SMARCA2: variants seen among roughly 807,000 people sequenced by gnomAD.
SMARCA2 encodes SWI/SNF related BAF chromatin remodeling complex subunit ATPase 2, also known as SWI/SNF-related matrix-associated actin-dependent regulator of chromatin subfamily A member 2.
SMARCA2 carries 61 observed loss-of-function variants against 199.8 expected under a neutral mutation model. That is an observed-to-expected ratio of 0.31 (90% confidence interval 0.25 to 0.38). The LOEUF (loss-of-function observed/expected upper bound fraction) is 0.38, where lower values mean the gene tolerates loss of function less well. SMARCA2 is among the 10% of genes least tolerant of loss of function. SMARCA2 has a pLI of 1.00. For synonymous variants in SMARCA2, 935 were observed against 732.0 expected (o/e 1.28, Z -4.48); for missense variants, 1,344 against 2,012.2 (o/e 0.67, Z 6.35).
At chr9:2,052,058 T>C (rs772520547) in intron 5 of SMARCA2, among the ~76,000 whole-genome samples, 1 of 152,210 alleles carries the variant, frequency 6.6e-6, no homozygotes, top group Non-Finnish European at 1.5e-5. Context: ...TTGGGAGAAT[T>C]TGAACAATTT....
chr9:2,073,412 G>T, intron 11 of SMARCA2, 70 bp downstream of exon 11: 1 of 1,589,410 alleles, frequency 6.3e-7, no homozygotes, highest in South Asian at 1.1e-5. Flanking sequence ...GTACGATCTC[G>T]AAACTAAAAC....
At chr9:2,167,736 C>T (rs1420922880) in intron 28 of SMARCA2, among the ~76,000 whole-genome samples, 1 of 152,188 alleles carries the variant, frequency 6.6e-6, no homozygotes. Context: ...TGGAGAAAAT[C>T]ATTCATTCTT....
chr9:2,164,201 C>T (rs1056117880), intron 28 of SMARCA2, among the ~76,000 whole-genome samples: 1 of 152,194 alleles, frequency 6.6e-6, no homozygotes, highest in Non-Finnish European at 1.5e-5. Flanking sequence ...GCTCCATAGC[C>T]TTTGAGTTTA....
At chr9:2,063,245 T>G (rs1820681903) in intron 9 of SMARCA2, among the ~76,000 whole-genome samples, 1 of 152,214 alleles carries the variant, frequency 6.6e-6, no homozygotes, top group Non-Finnish European at 1.5e-5. Context: ...CTGTCTCTTT[T>G]GCGGGGCTTT....
chr9:2,174,968 G>A (rs918013886), intron 29 of SMARCA2, among the ~76,000 whole-genome samples: 23 of 148,764 alleles, frequency 1.5e-4, no homozygotes, highest in Admixed American at 3.4e-4. Context: ...TGGAGAGGCA[G>A]GAAAGGATCA....
At chr9:2,186,064 C>A in intron 31 of SMARCA2, 32 bp from the exon 32 acceptor site, 5 of 1,604,758 alleles carry the variant, frequency 3.1e-6, no homozygotes, top group Non-Finnish European at 4.3e-6. Flanking sequence ...ACTCAGCTTG[C>A]AGTTTTAACA....
chr9:2,104,832 C>T lies in SMARCA2; in HGVS notation c.3292+663C>T, dbSNP rs933799812. Among the ~76,000 whole-genome samples, 5 of 151,964 alleles carry T rather than the reference C, an allele frequency of 3.3e-5. No homozygotes were observed. Among genetic ancestry groups the T allele is most frequent in the East Asian group, 1.9e-4 (1 of 5,190 alleles). ...ATTATTTTACGATTTGGATATCAGCCATAATATATTAGAGGTTGAAAGTAT... is the reference window on the plus strand; with the variant it reads ...ATTATTTTACGATTTGGATATCAGCTATAATATATTAGAGGTTGAAAGTAT... On this transcript the variant is annotated intron_variant, in intron 23 of 33. Coordinates refer to ENST00000349721, the MANE Select transcript of SMARCA2 (RefSeq NM_003070.5). This position sits in a 1 kb window ranked among gnomAD's most constrained non-coding sequence, Gnocchi z 4.0.
chr9:2,021,873 G>C (rs1818615249), intron 1 of SMARCA2: 1 of 151,570 alleles, frequency 6.6e-6, no homozygotes, highest in African/African-American at 2.4e-5. Flanking sequence ...GGTAGATAAG[G>C]TCTTTGAGAT....
chr9:2,092,451 A>T lies in SMARCA2; in HGVS notation c.2883+3838A>T, dbSNP rs531800410. ...AGAACCTGAGACTTTTCATAAATTGAATCATATTGTTTACAAATCTCAGTT... is the reference window on the plus strand; with the variant it reads ...AGAACCTGAGACTTTTCATAAATTGTATCATATTGTTTACAAATCTCAGTT... On this transcript the variant is annotated intron_variant, in intron 19 of 33. Transcript: ENST00000349721. 2.4e-4 allele frequency among the ~76,000 whole-genome samples: 36 copies of T among 152,338 alleles called. 1 individual carries two copies. Among genetic ancestry groups the T allele is most frequent in the African/African-American group, 8.7e-4 (36 of 41,576 alleles).
At chr9:2,083,591 T>C (rs893491916) in intron 16 of SMARCA2, among the ~76,000 whole-genome samples, 178 bp downstream of exon 16, 2 of 152,274 alleles carry the variant, frequency 1.3e-5, no homozygotes, top group Non-Finnish European at 2.9e-5. Context: ...CCATAATTAC[T>C]TTCAGATAGT....
intron 23 of SMARCA2, among the ~76,000 whole-genome samples, chr9:2,109,343 C>A (rs1459605669): frequency 1.3e-5 from 2 of 149,534 alleles, no homozygotes; most frequent in African/African-American, 4.9e-5. Context: ...TTTTTTTTTT[C>A]TCCCCTTCCA....
intron 9 of SMARCA2, among the ~76,000 whole-genome samples, chr9:2,069,429 G>A (rs536492749): frequency 1.2e-3 from 189 of 151,772 alleles, no homozygotes; most frequent in Middle Eastern, 3.4e-3. Flanking sequence ...CGTGGTGGCG[G>A]TCGCCTGTAG....
chr9:2,185,246 T>C (rs561229834), intron 31 of SMARCA2, among the ~76,000 whole-genome samples: 1 of 152,252 alleles, frequency 6.6e-6, no homozygotes, highest in Non-Finnish European at 1.5e-5. Flanking sequence ...TTGCCCATTT[T>C]AGATACTTCG....
In SMARCA2 at chr9:2,079,504, T is replaced by TG. The variant is rs530327684; in HGVS notation, c.2184+1729dup. On this transcript the variant is annotated intron_variant, in intron 14 of 33. Transcript: ENST00000349721. ...AGCACTAGCAGTTTTTACCTACCAA[T>TG]GCTTTTGCATCATCAGTGCAGACGT... Among the ~76,000 whole-genome samples, 10 of 152,340 alleles carry TG rather than the reference T, an allele frequency of 6.6e-5. No individual in the cohort carries two copies. In the East Asian group the frequency reaches 1.9e-3, roughly 29 times the overall value.
intron 27 of SMARCA2, among the ~76,000 whole-genome samples, chr9:2,127,678 G>T (rs57847257): frequency 0.088 from 13,405 of 152,258 alleles, 1,167 homozygotes; most frequent in East Asian, 0.41. Context: ...AGCTGCAAAG[G>T]AGATGGAAAT....
chr9:2,155,932 C>T lies in SMARCA2; in HGVS notation c.3982-5754C>T, dbSNP rs575258623. Reference sequence around the variant, plus strand: ...TCCCAGTTGCCTGACGAATGAAATACGAAACAGAGTCTGTTGAGTTAATGT... The same window carrying T: ...TCCCAGTTGCCTGACGAATGAAATATGAAACAGAGTCTGTTGAGTTAATGT... On this transcript the variant is annotated intron_variant, in intron 27 of 33. Coordinates refer to ENST00000349721, the MANE Select transcript of SMARCA2 (RefSeq NM_003070.5). Among the ~76,000 whole-genome samples the T allele has an allele frequency of 4.6e-5, 7 of 151,768 alleles. No homozygotes were observed. In the East Asian group the frequency reaches 1.2e-3, roughly 25 times the overall value.
chr9:2,035,443 T>C (rs1819288009), intron 3 of SMARCA2, among the ~76,000 whole-genome samples: 1 of 152,222 alleles, frequency 6.6e-6, no homozygotes, highest in Non-Finnish European at 1.5e-5. Context: ...TTGCAGTAGC[T>C]CTAATAGTGG....
chr9:2,184,937 A>T (rs959858803), intron 31 of SMARCA2, among the ~76,000 whole-genome samples: 1 of 151,996 alleles, frequency 6.6e-6, no homozygotes, highest in Non-Finnish European at 1.5e-5. Context: ...CAATTTGCCC[A>T]GTCACTTTTT....
intron 4 of SMARCA2, chr9:2,041,081 G>A (rs1586637637): frequency 3.1e-6 from 1 of 322,192 alleles, no homozygotes; most frequent in Non-Finnish European, 5.6e-6. Flanking sequence ...TATTGGTACT[G>A]TTCCTGGGTT....
Sources: allele counts gnomAD v4.1 joint callset (sites outside exome capture counted in the v4.1 genomes callset), GRCh38; gene constraint gnomAD v4.1.1; non-coding constraint Gnocchi (gnomAD v3.1); transcripts MANE v1.5; gene names NCBI Gene and HGNC (gene_info 2026-07-23, HGNC 2026-07-21).